Variants in ST7 observed in about 807,000 individuals in gnomAD.
The protein encoded by ST7 is suppressor of tumorigenicity 7 protein.
ST7 carries 28 observed loss-of-function variants against 78.7 expected under a neutral mutation model. The observed-to-expected ratio is 0.36, with a 90% CI of 0.26 to 0.49. The LOEUF (loss-of-function observed/expected upper bound fraction) is 0.49. Among genes scored for constraint, ST7 ranks in the 20% least tolerant of loss-of-function variants. The probability of loss-of-function intolerance (pLI) is 0.99; values close to 1 mark genes in which losing one functional copy is unlikely to be tolerated. For missense variants in ST7, 418 were observed against 696.0 expected (o/e 0.60, Z 4.49); for synonymous variants, 247 against 249.6 (o/e 0.99, Z 0.10).
chr7:117,004,974 C>T (rs1027547499), intron 1 of ST7, among the ~76,000 whole-genome samples: 16 of 152,030 alleles, frequency 1.1e-4, no homozygotes, highest in South Asian at 2.1e-4. Flanking sequence ...TTTATGTTTT[C>T]GTTTTGTTAG....
chr7:116,972,396 A>T lies in ST7; in HGVS notation c.151+18705A>T, dbSNP rs116894589. ...TTTGAGAGTACTTTTCTTCAGCAGG[A>T]CTCAGACACTTCAGATTCTGGTCCA... On this transcript the variant is annotated intron_variant, in intron 1 of 15. Coordinates refer to ENST00000323984, the MANE Select transcript of ST7 (RefSeq NM_001369598.1). 5.4e-3 allele frequency: 3,659 copies of T among 681,450 alleles called. 21 individuals carry two copies. Among genetic ancestry groups the T allele is most frequent in the Non-Finnish European group, 6.3e-3 (2,400 of 383,886 alleles). 42.2% of individuals were successfully genotyped at this position (681,450 alleles called of 1,614,324 possible).
chr7:117,214,111 T>C (rs1233200030), intron 13 of ST7, among the ~76,000 whole-genome samples: 2 of 152,230 alleles, frequency 1.3e-5, no homozygotes, highest in African/African-American at 2.4e-5. Context: ...TTCAAGGCTG[T>C]GTTTTGGCTG....
intron 1 of ST7, among the ~76,000 whole-genome samples, chr7:117,011,913 C>T (rs1043810975): frequency 2.6e-5 from 4 of 152,082 alleles, no homozygotes; most frequent in Admixed American, 1.3e-4. Flanking sequence ...GTTGAAGGCT[C>T]TCCTGTTGAG....
rs753464201 is a variant in ST7 at position 116,953,590 on chromosome 7, T to C, written c.50T>C (p.Val17Ala). Residue 17 changes from valine to alanine, a missense_variant, in exon 1 of 16, where the codon GTT becomes GCT. Val to Ala is a moderately conservative substitution (Grantham distance 64). Around this residue, in one of 4 missense-constraint regions of ST7, gnomAD observed 71 missense variants for 61.5 expected, o/e 1.16. Coordinates refer to ENST00000323984, the MANE Select transcript of ST7 (RefSeq NM_001369598.1). ...GFLEQLKSCIVWSWTYLWTVW... is the reference protein window; with the variant it reads ...GFLEQLKSCIAWSWTYLWTVW... ...CTGGAGCAGCTCAAGTCCTGCATAG[T>C]TTGGTCTTGGACGTATCTGTGGACC... The C allele has an allele frequency of 1.3e-6, 2 of 1,489,300 alleles. No individual in the cohort carries two copies. Among genetic ancestry groups the C allele is most frequent in the Non-Finnish European group, 9.1e-7 (1 of 1,104,924 alleles). 92.3% of individuals were successfully genotyped at this position (1,489,300 alleles called of 1,614,324 possible).
chr7:117,195,589 T>G (rs1333298293), intron 12 of ST7, among the ~76,000 whole-genome samples: 1 of 152,082 alleles, frequency 6.6e-6, no homozygotes, highest in Non-Finnish European at 1.5e-5. Context: ...GAAGGGGAAG[T>G]AAACACGTCC....
chr7:117,212,483 A>G (rs1020631672), intron 13 of ST7, among the ~76,000 whole-genome samples: 5 of 152,226 alleles, frequency 3.3e-5, no homozygotes, highest in African/African-American at 1.2e-4. Flanking sequence ...CATAGGGTGT[A>G]TTTATTACAC....
intron 13 of ST7, among the ~76,000 whole-genome samples, chr7:117,214,223 T>G (rs1162437668): frequency 2.6e-5 from 4 of 152,190 alleles, no homozygotes; most frequent in Non-Finnish European, 1.5e-5. Context: ...GTAAATCACT[T>G]AGCCTTTCTT....
rs145603988 is a variant in ST7 at position 117,070,478 on chromosome 7, T to C, written c.152-29284T>C. ...TTTAAAGGGTATAAAGTTTCAGTTT[T>C]GCAAGATGAGAAAGTTCTGGAGATT... is the stretch of plus-strand genomic sequence containing the variant. On this transcript the variant is annotated intron_variant, in intron 1 of 15. Transcript: ENST00000323984. Among the ~76,000 whole-genome samples the C allele has an allele frequency of 2.0e-5, 3 of 152,326 alleles. No individual in the cohort carries two copies. The East Asian group carries it at 5.8e-4, about 29-fold the overall frequency.
rs552869358 is a variant in ST7 at position 117,138,337 on chromosome 7, G to A, written c.866-98G>A. 145 of 640,650 alleles carry A rather than the reference G, an allele frequency of 2.3e-4. 1 individual carries two copies. In the South Asian group the frequency reaches 3.1e-3, roughly 14 times the overall value. 39.7% of individuals were successfully genotyped at this position (640,650 alleles called of 1,614,324 possible). On this transcript the variant is annotated intron_variant, in intron 8 of 15. Transcript: ENST00000323984. ...TGATCTTCATTCTACTATTAACAAA[G>A]TTGTCAGTGCTATGAAAATTTCCTT...
At chr7:116,988,409 A>G (rs907923771) in intron 1 of ST7, among the ~76,000 whole-genome samples, 2 of 152,204 alleles carry the variant, frequency 1.3e-5, no homozygotes, top group Non-Finnish European at 2.9e-5. Flanking sequence ...GGTTCGCTTG[A>G]AGCCAATATT....
At chr7:117,210,941 C>T (rs1017930803) in intron 13 of ST7, among the ~76,000 whole-genome samples, 5 of 152,198 alleles carry the variant, frequency 3.3e-5, no homozygotes, top group African/African-American at 1.2e-4. Context: ...CACCCTTACT[C>T]TGATCAACCT....
intron 2 of ST7, 37 bp from the exon 3 acceptor site, chr7:117,119,524 A>T: frequency 6.3e-7 from 1 of 1,591,528 alleles, no homozygotes; most frequent in Non-Finnish European, 8.5e-7. Context: ...CGTAAATGAT[A>T]ACAGTGACCA....
At chr7:117,074,841 A>T (rs1464977896) in intron 1 of ST7, 1 of 152,224 alleles carries the variant, frequency 6.6e-6, no homozygotes, top group Non-Finnish European at 1.5e-5. Context: ...GTTGGCCAGT[A>T]AGCAGTGGTG....
intron 1 of ST7, among the ~76,000 whole-genome samples, chr7:117,096,125 C>T (rs920600352): frequency 7.2e-6 from 1 of 139,126 alleles, no homozygotes; most frequent in African/African-American, 2.6e-5. Context: ...CATTTTATGT[C>T]TCAACTCACA....
At chr7:117,043,758 A>G (rs189075884) in intron 1 of ST7, among the ~76,000 whole-genome samples, 174 of 152,332 alleles carry the variant, frequency 1.1e-3, no homozygotes, top group African/African-American at 3.9e-3. Context: ...AGATTTTATT[A>G]TTAGTGCTAT....
intron 1 of ST7, chr7:116,972,672 C>T (rs186522139): frequency 9.5e-5 from 103 of 1,079,694 alleles, no homozygotes; most frequent in Admixed American, 4.6e-4. Flanking sequence ...CAGTTTTTTC[C>T]GCTTCTTCCA....
At chr7:117,208,757 T>A (rs758384919) in intron 12 of ST7, among the ~76,000 whole-genome samples, 1 of 152,208 alleles carries the variant, frequency 6.6e-6, no homozygotes. Flanking sequence ...TTATTTCTGA[T>A]GCTAAAATTT....
intron 1 of ST7, among the ~76,000 whole-genome samples, chr7:117,025,683 T>C (rs920821142): frequency 6.6e-6 from 1 of 152,212 alleles, no homozygotes; most frequent in Admixed American, 6.5e-5. Context: ...TACTGGAACA[T>C]AGTCATACAG....
At chr7:117,011,258 A>T (rs1331558882) in intron 1 of ST7, among the ~76,000 whole-genome samples, 2 of 152,176 alleles carry the variant, frequency 1.3e-5, no homozygotes, top group Non-Finnish European at 2.9e-5. Flanking sequence ...TCCCCAGAAC[A>T]TCAGCATCCA....
Sources: allele counts gnomAD v4.1 joint callset (sites outside exome capture counted in the v4.1 genomes callset), GRCh38; gene constraint gnomAD v4.1.1; regional missense constraint gnomAD v4.1.1; transcripts MANE v1.5; gene names NCBI Gene and HGNC (gene_info 2026-07-23, HGNC 2026-07-21).